The following DLGAP2 variants were observed in gnomAD, a reference collection of about 807,000 sequenced individuals.
DLGAP2 encodes DLG associated protein 2.
A neutral mutation model predicts 100.3 loss-of-function variants in DLGAP2; 26 were observed. That is an observed-to-expected ratio of 0.26 (90% confidence interval 0.19 to 0.36). The LOEUF is 0.36. Among genes scored for constraint, DLGAP2 ranks in the 10% least tolerant of loss-of-function variants. The probability of loss-of-function intolerance (pLI) is 1.00; values close to 1 mark genes in which losing one functional copy is unlikely to be tolerated. For synonymous variants in DLGAP2, 886 were observed against 630.1 expected (o/e 1.41, Z -6.08); for missense variants, 1,858 against 1,453.2 (o/e 1.28, Z -4.53).
chr8:1,431,767 T>A (rs1797450205), intron 3 of DLGAP2, among the ~76,000 whole-genome samples: 1 of 152,170 alleles, frequency 6.6e-6, no homozygotes, highest in African/African-American at 2.4e-5. Context: ...TTTAGTTTGG[T>A]GTTTTCATTT....
chr8:829,560 A>G (rs903541660), intron 1 of DLGAP2, among the ~76,000 whole-genome samples: 2 of 152,246 alleles, frequency 1.3e-5, no homozygotes, highest in African/African-American at 2.4e-5. Flanking sequence ...AGGACCTTCA[A>G]TCTTATTCAG....
intron 2 of DLGAP2, among the ~76,000 whole-genome samples, chr8:1,010,113 A>G (rs1801232396): frequency 6.6e-6 from 1 of 152,262 alleles, no homozygotes; most frequent in Non-Finnish European, 1.5e-5. Context: ...GATTTTTAAA[A>G]TATCTTAATT....
chr8:1,089,640 G>T (rs1330996139), intron 2 of DLGAP2, among the ~76,000 whole-genome samples: 1 of 152,164 alleles, frequency 6.6e-6, no homozygotes, highest in South Asian at 2.1e-4. Context: ...AAAATGATAG[G>T]TTCATATTGA....
intron 2 of DLGAP2, among the ~76,000 whole-genome samples, chr8:1,006,973 C>T (rs770418845): frequency 7.0e-6 from 1 of 142,122 alleles, no homozygotes; most frequent in Non-Finnish European, 1.5e-5. Context: ...CCGTGTGTCT[C>T]AAGTCTCAGG....
At chr8:1,240,488 C>A (rs1332623792) in intron 2 of DLGAP2, among the ~76,000 whole-genome samples, 2 of 151,468 alleles carry the variant, frequency 1.3e-5, no homozygotes, top group Non-Finnish European at 2.9e-5. Flanking sequence ...GTCTAGTTTT[C>A]TCTCACATGG....
intron 2 of DLGAP2, among the ~76,000 whole-genome samples, chr8:1,242,440 T>G (rs1798817435): frequency 6.6e-6 from 1 of 152,232 alleles, no homozygotes; most frequent in Non-Finnish European, 1.5e-5. Context: ...GTCTGTTCTT[T>G]CCTGGCCACG....
At chr8:997,805 C>T (rs1286417178) in intron 2 of DLGAP2, among the ~76,000 whole-genome samples, 1 of 152,172 alleles carries the variant, frequency 6.6e-6, no homozygotes, top group Non-Finnish European at 1.5e-5. Context: ...GTTAAATTTG[C>T]TTATACCTAT....
chr8:1,338,412 C>G (rs73670771), intron 3 of DLGAP2, among the ~76,000 whole-genome samples: 7,666 of 152,218 alleles, frequency 0.05, 635 homozygotes, highest in African/African-American at 0.17. Flanking sequence ...CTGCATGATT[C>G]TATTTATATG....
chr8:1,180,484 G>A lies in DLGAP2; in HGVS notation c.74-78367G>A, dbSNP rs935569049. Among the ~76,000 whole-genome samples, 8 of 152,242 alleles carry A rather than the reference G, an allele frequency of 5.3e-5. No individual in the cohort carries two copies. In the East Asian group the frequency reaches 5.8e-4, roughly 11 times the overall value. Reference sequence around the variant, plus strand: ...CCTGGGATCTCAGGCAGGAGCCACCGTGCCCAGCTCTTAGTCTTCTGTGTT... The same window carrying A: ...CCTGGGATCTCAGGCAGGAGCCACCATGCCCAGCTCTTAGTCTTCTGTGTT... On this transcript the variant is annotated intron_variant, in intron 2 of 14. Coordinates refer to ENST00000637795, the MANE Select transcript of DLGAP2 (RefSeq NM_001346810.2).
At chr8:1,393,856 A>T (rs373501842) in intron 3 of DLGAP2, among the ~76,000 whole-genome samples, 1 of 334 alleles carries the variant, frequency 3.0e-3, no homozygotes, top group Non-Finnish European at 5.1e-3. Flanking sequence ...CTCGTCCTCC[A>T]GAGTCGTGTA....
intron 2 of DLGAP2, among the ~76,000 whole-genome samples, chr8:914,696 G>A (rs540712371): frequency 6.6e-6 from 1 of 152,186 alleles, no homozygotes; most frequent in Non-Finnish European, 1.5e-5. Context: ...TATTTATCTA[G>A]GTTTGTGGTT....
chr8:1,232,556 G>A (rs1563268094), intron 2 of DLGAP2, among the ~76,000 whole-genome samples: 1 of 152,220 alleles, frequency 6.6e-6, no homozygotes, highest in Non-Finnish European at 1.5e-5. Context: ...TGGTGATGGG[G>A]GCTGTGGCTG....
At chr8:1,146,658 C>A (rs749131717) in intron 2 of DLGAP2, among the ~76,000 whole-genome samples, 1 of 151,910 alleles carries the variant, frequency 6.6e-6, no homozygotes, top group East Asian at 1.9e-4. Flanking sequence ...TGTGCATGCA[C>A]GTGTGTGTGC....
At chr8:1,128,432 C>T (rs1796219223) in intron 2 of DLGAP2, among the ~76,000 whole-genome samples, 2 of 152,206 alleles carry the variant, frequency 1.3e-5, no homozygotes, top group South Asian at 4.1e-4. Flanking sequence ...GTCCTTACTG[C>T]AGTTTTTCTA....
At chr8:1,219,941 G>T (rs4311679) in intron 2 of DLGAP2, among the ~76,000 whole-genome samples, 36,832 of 151,654 alleles carry the variant, frequency 0.24, 5,228 homozygotes, top group South Asian at 0.43. Flanking sequence ...TTGTATTTCT[G>T]TGGAATCAAC....
chr8:1,039,626 G>A lies in DLGAP2; in HGVS notation c.73+131660G>A, dbSNP rs75025762. ...GGTGTGCGTGGTCAGCTCGGTGTGC[G>A]TGGTCAGCTCGGTGTGCGTGGTCAG... On this transcript the variant is annotated intron_variant, in intron 2 of 14. Transcript: ENST00000637795. Among the ~76,000 whole-genome samples, 91 of 50,068 alleles carry A rather than the reference G, an allele frequency of 1.8e-3. 1 individual carries two copies. The highest frequency in any genetic ancestry group is 0.011 in the East Asian group (15 of 1,416). 32.8% of individuals were successfully genotyped at this position (50,068 alleles called of 152,430 possible).
At chr8:1,217,867 G>T (rs766184106) in intron 2 of DLGAP2, among the ~76,000 whole-genome samples, 1 of 152,200 alleles carries the variant, frequency 6.6e-6, no homozygotes, top group Middle Eastern at 3.4e-3. Flanking sequence ...TGATGTTTAG[G>T]ATTTTTAAAA....
intron 3 of DLGAP2, among the ~76,000 whole-genome samples, chr8:1,376,311 T>C (rs1802385792): frequency 6.6e-6 from 1 of 152,248 alleles, no homozygotes; most frequent in South Asian, 2.1e-4. Flanking sequence ...GTGCCGTTTC[T>C]TCTCACTCCA....
chr8:1,562,519 C>T (rs1802209689), intron 5 of DLGAP2, among the ~76,000 whole-genome samples: 2 of 47,506 alleles, frequency 4.2e-5, no homozygotes, highest in African/African-American at 1.8e-4. Context: ...GTTGGGGTGT[C>T]CGCGCCTCGT....
Sources: gnomAD v4.1 joint callset for allele counts (sites outside exome capture counted in the v4.1 genomes callset) on GRCh38, gnomAD v4.1.1 for gene constraint, MANE v1.5 for transcripts, NCBI Gene and HGNC (gene_info 2026-07-23, HGNC 2026-07-21) for gene names.